The following CSNK2A2IP variants were observed in gnomAD, a reference collection of about 807,000 sequenced individuals.
CSNK2A2IP encodes casein kinase II subunit alpha'-interacting protein.
chr3:88,459,066 T>G, the CSNK2A2IP span, among the ~76,000 whole-genome samples: 6 of 152,314 alleles, frequency 3.9e-5, no homozygotes, highest in Non-Finnish European at 8.8e-5. Flanking sequence ...GAAAAAGAGT[T>G]ATTGCAATTT....
chr3:88,449,958 T>C, the CSNK2A2IP span, among the ~76,000 whole-genome samples: 101,934 of 143,776 alleles, frequency 0.71, 36,849 homozygotes, highest in East Asian at 0.82. Context: ...ACCTCCACCA[T>C]CTGGGTTCAA....
the CSNK2A2IP span, among the ~76,000 whole-genome samples, chr3:88,449,824 C>CACAA: frequency 2.2e-5 from 1 of 45,492 alleles, no homozygotes; most frequent in Non-Finnish European, 6.1e-5. Flanking sequence ...TATCGAGACA[C>CACAA]ACACACACAC....
the CSNK2A2IP span, among the ~76,000 whole-genome samples, chr3:88,368,672 G>A: frequency 3.9e-5 from 6 of 152,100 alleles, no homozygotes; most frequent in African/African-American, 1.4e-4. Flanking sequence ...AGGTCAGGTT[G>A]TTTTCAGGAT....
the CSNK2A2IP span, among the ~76,000 whole-genome samples, chr3:88,427,661 G>A: frequency 5.9e-5 from 9 of 152,178 alleles, no homozygotes; most frequent in African/African-American, 2.2e-4. Context: ...TGCTTCAGTG[G>A]GTTCAAGCCC....
At chr3:88,373,739 ATAACT>A in the CSNK2A2IP span, among the ~76,000 whole-genome samples, 3 of 151,410 alleles carry the variant, frequency 2.0e-5, no homozygotes, top group Admixed American at 6.6e-5. Context: ...AAAAAACTTG[ATAACT>A]TGACAGAGCA....
At chr3:88,351,393 A>G in the CSNK2A2IP span, among the ~76,000 whole-genome samples, 1 of 152,072 alleles carries the variant, frequency 6.6e-6, no homozygotes. Flanking sequence ...GGCTTCAAAG[A>G]CGATGTTAAT....
the CSNK2A2IP span, among the ~76,000 whole-genome samples, chr3:88,435,232 T>C: frequency 6.6e-6 from 1 of 152,198 alleles, no homozygotes; most frequent in South Asian, 2.1e-4. Flanking sequence ...TGGGGATACC[T>C]ATTTTGTCCT....
chr3:88,372,839 A>G, the CSNK2A2IP span, among the ~76,000 whole-genome samples: 1 of 151,544 alleles, frequency 6.6e-6, no homozygotes, highest in South Asian at 2.1e-4. Flanking sequence ...AAGTGGCTAC[A>G]GTAACATCAC....
chr3:88,344,839 C>A, the CSNK2A2IP span, among the ~76,000 whole-genome samples: 2 of 151,844 alleles, frequency 1.3e-5, no homozygotes, highest in Admixed American at 1.3e-4. Context: ...TAGTTGACAG[C>A]AATTGAAAAT....
chr3:88,414,847 A>T, the CSNK2A2IP span, among the ~76,000 whole-genome samples: 1 of 152,022 alleles, frequency 6.6e-6, no homozygotes, highest in Non-Finnish European at 1.5e-5. Flanking sequence ...TATGTTAGTT[A>T]AATAGGAAAG....
At chr3:88,392,110 T>C in the CSNK2A2IP span, among the ~76,000 whole-genome samples, 2 of 152,212 alleles carry the variant, frequency 1.3e-5, no homozygotes, top group South Asian at 4.1e-4. Flanking sequence ...GCTAGGAACA[T>C]GCCCCAGATT....
the CSNK2A2IP span, among the ~76,000 whole-genome samples, chr3:88,464,843 TAC>T: frequency 6.6e-6 from 1 of 152,204 alleles, no homozygotes; most frequent in Non-Finnish European, 1.5e-5. Context: ...AGAATATATA[TAC>T]GTTTGTTTAT....
chr3:88,364,838 A>G, the CSNK2A2IP span, among the ~76,000 whole-genome samples: 1 of 152,224 alleles, frequency 6.6e-6, no homozygotes, highest in African/African-American at 2.4e-5. Flanking sequence ...GGAAGAAATT[A>G]TAAGAAAATT....
chr3:88,388,330 GTTAA>G, the CSNK2A2IP span, among the ~76,000 whole-genome samples: 1 of 152,134 alleles, frequency 6.6e-6, no homozygotes, highest in South Asian at 2.1e-4. Flanking sequence ...GGCCAATTAT[GTTAA>G]TTAGACTATA....
At chr3:88,442,889 T>C in the CSNK2A2IP span, among the ~76,000 whole-genome samples, 1 of 152,010 alleles carries the variant, frequency 6.6e-6, no homozygotes, top group Non-Finnish European at 1.5e-5. Flanking sequence ...AATAAAAAAT[T>C]ATTTATTATA....
chr3:88,362,029 G>A, the CSNK2A2IP span, among the ~76,000 whole-genome samples: 1 of 152,018 alleles, frequency 6.6e-6, no homozygotes, highest in Non-Finnish European at 1.5e-5. Flanking sequence ...GCTTCTTCAA[G>A]ACAGTTGACA....
the CSNK2A2IP span, among the ~76,000 whole-genome samples, chr3:88,432,708 TA>T: frequency 6.6e-6 from 1 of 151,058 alleles, no homozygotes; most frequent in Non-Finnish European, 1.5e-5. Flanking sequence ...ACATTTAAAA[TA>T]AAAAGAAACT....
At chr3:88,385,167 G>T in the CSNK2A2IP span, among the ~76,000 whole-genome samples, 1 of 152,150 alleles carries the variant, frequency 6.6e-6, no homozygotes, top group Admixed American at 6.5e-5. Context: ...GAATCCTGAT[G>T]CAATCCAGTA....
the CSNK2A2IP span, among the ~76,000 whole-genome samples, chr3:88,353,867 T>C: frequency 1.3e-5 from 2 of 152,182 alleles, no homozygotes; most frequent in Non-Finnish European, 2.9e-5. Flanking sequence ...TTTCTAAGCC[T>C]GTGATATAGT....
Sources: gnomAD v4.1 joint callset for allele counts (sites outside exome capture counted in the v4.1 genomes callset) on GRCh38, gnomAD v4.1.1 for gene constraint, MANE v1.5 for transcripts, NCBI Gene and HGNC (gene_info 2026-07-23, HGNC 2026-07-21) for gene names.